FRMD8: variants seen among roughly 807,000 people sequenced by gnomAD.
The protein encoded by FRMD8 is FERM domain containing 8, also known as FERM domain-containing protein 8.
FRMD8 carries 37 observed loss-of-function variants against 54.2 expected under a neutral mutation model. That is an observed-to-expected ratio of 0.68 (90% confidence interval 0.53 to 0.90). The LOEUF (loss-of-function observed/expected upper bound fraction) is 0.90, where lower values mean the gene tolerates loss of function less well. FRMD8 is among the 40% of genes least tolerant of loss of function. FRMD8 has a pLI of 0.00. For missense variants in FRMD8, 585 were observed against 653.7 expected (o/e 0.89, Z 1.15); for synonymous variants, 246 against 286.9 (o/e 0.86, Z 1.44).
intron 3 of FRMD8, among the ~76,000 whole-genome samples, chr11:65,390,857 C>G (rs914942216): frequency 2.0e-5 from 3 of 152,390 alleles, no homozygotes; most frequent in South Asian, 2.1e-4. Context: ...TTCCGGCTCT[C>G]CCACGGCCGG....
At chr11:65,406,034 T>C (rs1276876199) in intron 10 of FRMD8, among the ~76,000 whole-genome samples, 3 of 151,528 alleles carry the variant, frequency 2.0e-5, no homozygotes, top group Non-Finnish European at 4.4e-5. Flanking sequence ...AATTAATTAG[T>C]TAACTATTTT....
At position 65,386,846 on chromosome 11, in the gene FRMD8, CG is replaced by C. The variant is rs148205479; in HGVS notation, c.-1+87del. ...CTGCCTGGGCATCCAGGTCGACCCC[CG>C]GTTCTTGACCGTAGCAACCCGCACC... On this transcript the variant is annotated intron_variant, in intron 1 of 10. Transcript: ENST00000317568. 6,740 of 589,628 alleles carry C rather than the reference CG, an allele frequency of 0.011. 404 individuals carry two copies. In the African/African-American group the frequency reaches 0.12, roughly 10 times the overall value. 36.5% of individuals were successfully genotyped at this position (589,628 alleles called of 1,614,324 possible).
upstream of FRMD8, among the ~76,000 whole-genome samples, chr11:65,385,208 C>T (rs1855710656): frequency 6.6e-6 from 1 of 152,184 alleles, no homozygotes; most frequent in Non-Finnish European, 1.5e-5. Context: ...TACAGTGTGT[C>T]CTGGTCTGAG....
chr11:65,402,071 G>A (rs149589789), intron 9 of FRMD8, among the ~76,000 whole-genome samples: 3 of 152,032 alleles, frequency 2.0e-5, no homozygotes, highest in African/African-American at 2.4e-5. Context: ...TGAATTGGCC[G>A]GGCATGGTGG....
chr11:65,381,093 G>C, the FRMD8 span: 2 of 153,874 alleles, frequency 1.3e-5, no homozygotes, highest in Non-Finnish European at 2.9e-5. Flanking sequence ...ACTCCCCAGA[G>C]GACTGGGGAC....
chr11:65,381,560 CTTT>C, the FRMD8 span: 128 of 84,560 alleles, frequency 1.5e-3, no homozygotes, highest in South Asian at 3.6e-3. Flanking sequence ...TGCCCTGATT[CTTT>C]TTTTTTTTTT....
upstream of FRMD8, chr11:65,386,555 C>A (rs570736577): frequency 2.0e-4 from 32 of 157,672 alleles, no homozygotes; most frequent in East Asian, 4.4e-3. Context: ...CCGCGCGGGG[C>A]GGCCCTGGGC....
Position 65,397,023 on chromosome 11 carries a change from A to C in FRMD8, c.803+3A>C. 1 of 1,434,176 alleles carries C rather than the reference A, an allele frequency of 7.0e-7. No individual in the cohort carries two copies. Among genetic ancestry groups the C allele is most frequent in the East Asian group, 2.8e-5 (1 of 35,818 alleles). 88.8% of individuals were successfully genotyped at this position (1,434,176 alleles called of 1,614,324 possible). A position where few individuals can be genotyped will look rare whatever the true frequency, so the allele number is the denominator to read the frequency against. ...TGCCACGAGCTGCCGTTTTATGGGT[A>C]AGAGCCACAGCCCCGCGGTCCCCCA... On this transcript the variant is annotated splice_donor_region_variant and intron_variant, in intron 7 of 10. Coordinates refer to ENST00000317568, the MANE Select transcript of FRMD8 (RefSeq NM_031904.5).
intron 10 of FRMD8, among the ~76,000 whole-genome samples, chr11:65,407,789 C>T (rs552318455): frequency 4.0e-5 from 6 of 148,928 alleles, no homozygotes; most frequent in South Asian, 2.1e-4. Context: ...CCCAGCTACT[C>T]GGGAGAATGG....
At chr11:65,368,084 T>G in the FRMD8 span, 1 of 140,476 alleles carries the variant, frequency 7.1e-6, no homozygotes, top group African/African-American at 2.6e-5. Context: ...TTTTTTTTGT[T>G]TTTTTTTTTG....
chr11:65,381,894 GA>G (rs1565586157), upstream of FRMD8: 1 of 1,614,056 alleles, frequency 6.2e-7, no homozygotes, highest in Non-Finnish European at 8.5e-7. Context: ...TGATGTGACA[GA>G]AGGAAGAAAA....
At chr11:65,377,961 G>C in the FRMD8 span, 1 of 152,356 alleles carries the variant, frequency 6.6e-6, no homozygotes, top group Non-Finnish European at 1.5e-5. Context: ...ATGGCGACGG[G>C]GGCTGGCGGT....
the FRMD8 span, chr11:65,375,689 G>A: frequency 6.6e-6 from 1 of 152,540 alleles, no homozygotes; most frequent in South Asian, 2.1e-4. Context: ...GTTATCCTGG[G>A]TCATGGGGGA....
chr11:65,391,514 A>T (rs1855845117), intron 3 of FRMD8, among the ~76,000 whole-genome samples: 1 of 151,822 alleles, frequency 6.6e-6, no homozygotes, highest in Admixed American at 6.6e-5. Context: ...AATTTTATTT[A>T]TTTATTTTTT....
upstream of FRMD8, among the ~76,000 whole-genome samples, chr11:65,385,242 A>C (rs1235295003): frequency 6.6e-6 from 1 of 152,176 alleles, no homozygotes. Context: ...AGAACCAGGA[A>C]GGAGATGCCT....
intron 10 of FRMD8, among the ~76,000 whole-genome samples, chr11:65,407,637 TC>T (rs1414777124): frequency 6.7e-6 from 1 of 150,164 alleles, no homozygotes; most frequent in African/African-American, 2.4e-5. Context: ...ACGCCTGTAA[TC>T]CCAGCACTTT....
At chr11:65,389,640 G>A in intron 3 of FRMD8, 112 bp downstream of exon 3, 1 of 1,111,512 alleles carries the variant, frequency 9.0e-7, no homozygotes, top group Non-Finnish European at 1.3e-6. Flanking sequence ...CACTGCCCAT[G>A]GGGAAAGGTG....
the FRMD8 span, chr11:65,380,604 G>A: frequency 3.1e-6 from 4 of 1,293,558 alleles, no homozygotes; most frequent in South Asian, 2.5e-5. Flanking sequence ...AGGCCCTGCT[G>A]CCAGCTGGCC....
At chr11:65,380,225 G>T in the FRMD8 span, 16 of 1,613,654 alleles carry the variant, frequency 9.9e-6, no homozygotes, top group South Asian at 4.4e-5. Context: ...GCCAGGCCCA[G>T]GAAGCAAGTC....
Sources: allele counts gnomAD v4.1 joint callset (sites outside exome capture counted in the v4.1 genomes callset), GRCh38; gene constraint gnomAD v4.1.1; transcripts MANE v1.5; gene names NCBI Gene and HGNC (gene_info 2026-07-23, HGNC 2026-07-21).